ANGPT1: variants seen among roughly 807,000 people sequenced by gnomAD.
The protein encoded by ANGPT1 is angiopoietin 1, also known as angiopoietin-1.
In ANGPT1, 17 loss-of-function variants were observed where a neutral mutation model predicts 62.2. The observed-to-expected ratio is 0.27, with a 90% CI of 0.19 to 0.41. The LOEUF is 0.41. ANGPT1 is among the 10% of genes least tolerant of loss of function. The pLI is 1.00. For missense variants in ANGPT1, 478 were observed against 594.9 expected (o/e 0.80, Z 2.04); for synonymous variants, 199 against 198.9 (o/e 1.00, Z 0.00).
At chr8:107,402,259 T>A (rs956557404) in intron 1 of ANGPT1, among the ~76,000 whole-genome samples, 1 of 152,176 alleles carries the variant, frequency 6.6e-6, no homozygotes, top group African/African-American at 2.4e-5. Flanking sequence ...TCTTCTGTGT[T>A]GAAAGTCCAC....
At chr8:107,445,051 A>G (rs1471106320) in intron 1 of ANGPT1, among the ~76,000 whole-genome samples, 1 of 152,226 alleles carries the variant, frequency 6.6e-6, no homozygotes, top group East Asian at 1.9e-4. Context: ...GGGGGCTGAC[A>G]ATACATACTA....
chr8:107,293,585 C>T (rs1487740741), intron 6 of ANGPT1, among the ~76,000 whole-genome samples: 1 of 152,154 alleles, frequency 6.6e-6, no homozygotes, highest in African/African-American at 2.4e-5. Context: ...ATTACCCATC[C>T]TGTTCCACAA....
chr8:107,478,785 T>C (rs1360268281), intron 1 of ANGPT1, among the ~76,000 whole-genome samples: 1 of 152,292 alleles, frequency 6.6e-6, no homozygotes, highest in African/African-American at 2.4e-5. Context: ...ATTACATACA[T>C]ACAGCTTTTA....
chr8:107,299,731 T>G (rs1334409608), intron 5 of ANGPT1, among the ~76,000 whole-genome samples: 2 of 130,928 alleles, frequency 1.5e-5, no homozygotes, highest in African/African-American at 5.6e-5. Context: ...TATAGTTATA[T>G]CTAGATATAC....
chr8:107,459,021 G>C (rs912425996), intron 1 of ANGPT1, among the ~76,000 whole-genome samples: 23 of 151,958 alleles, frequency 1.5e-4, no homozygotes, highest in African/African-American at 5.6e-4. Flanking sequence ...CCTGAGCATC[G>C]TCCCGCAACT....
chr8:107,428,462 CA>C (rs1811092825), intron 1 of ANGPT1, among the ~76,000 whole-genome samples: 1 of 152,136 alleles, frequency 6.6e-6, no homozygotes, highest in Admixed American at 6.5e-5. Flanking sequence ...CAGAAACAAA[CA>C]GAATGATGCT....
At chr8:107,369,728 T>C (rs1314847780) in intron 1 of ANGPT1, among the ~76,000 whole-genome samples, 1 of 151,046 alleles carries the variant, frequency 6.6e-6, no homozygotes, top group East Asian at 2.0e-4. Flanking sequence ...GGGAGAGAGA[T>C]GAGGAAATGG....
intron 1 of ANGPT1, among the ~76,000 whole-genome samples, chr8:107,352,118 C>G (rs1258623667): frequency 6.6e-6 from 1 of 152,092 alleles, no homozygotes; most frequent in Admixed American, 6.6e-5. Context: ...TCATCAAACA[C>G]AAGCATATTG....
chr8:107,433,134 C>T (rs529921097), intron 1 of ANGPT1, among the ~76,000 whole-genome samples: 27 of 151,980 alleles, frequency 1.8e-4, no homozygotes, highest in Non-Finnish European at 2.8e-4. Context: ...GAGATCATTG[C>T]CCATTTGGTG....
At chr8:107,324,147 CAAA>C (rs1159031647) in intron 3 of ANGPT1, among the ~76,000 whole-genome samples, 1 of 105,882 alleles carries the variant, frequency 9.4e-6, no homozygotes. Context: ...GCCCCCCAGC[CAAA>C]AAAAAAAAAT....
intron 1 of ANGPT1, among the ~76,000 whole-genome samples, chr8:107,390,560 G>C (rs1487363951): frequency 2.0e-5 from 3 of 152,182 alleles, no homozygotes; most frequent in African/African-American, 7.2e-5. Flanking sequence ...CAGACACTCT[G>C]TAGTTTCAAG....
chr8:107,299,933 T>C (rs1222546239), intron 5 of ANGPT1, among the ~76,000 whole-genome samples: 6 of 134,396 alleles, frequency 4.5e-5, no homozygotes, highest in African/African-American at 1.6e-4. Flanking sequence ...TCTAGATATG[T>C]AGTTATATCT....
chr8:107,464,778 C>T lies in ANGPT1; in HGVS notation c.297+32484G>A, dbSNP rs796125948. On this transcript the variant is annotated intron_variant, in intron 1 of 8. Coordinates refer to ENST00000517746, the MANE Select transcript of ANGPT1 (RefSeq NM_001146.5). ...AGCTCATACATGGAACTTGGAGTAC[C>T]ATAAGTATTCGATAAATTCTACTAT... Among the ~76,000 whole-genome samples, 7 of 152,094 alleles carry T rather than the reference C, an allele frequency of 4.6e-5. 1 individual carries two copies. The highest frequency in any genetic ancestry group is 1.7e-4 in the African/African-American group (7 of 41,496).
At chr8:107,395,402 C>T (rs1816915924) in intron 1 of ANGPT1, among the ~76,000 whole-genome samples, 1 of 152,110 alleles carries the variant, frequency 6.6e-6, no homozygotes, top group Non-Finnish European at 1.5e-5. Flanking sequence ...GCATTTACTT[C>T]CATGTTTCCA....
chr8:107,356,312 T>C (rs1816043917), intron 1 of ANGPT1, among the ~76,000 whole-genome samples: 1 of 152,360 alleles, frequency 6.6e-6, no homozygotes, highest in South Asian at 2.1e-4. Context: ...AATCATTGCT[T>C]CATACATAAA....
intron 7 of ANGPT1, among the ~76,000 whole-genome samples, chr8:107,275,404 AC>A (rs1360609819): frequency 8.6e-5 from 13 of 152,014 alleles, no homozygotes; most frequent in African/African-American, 3.1e-4. Flanking sequence ...TCCCTCTTCT[AC>A]CCCCATCTCT....
chr8:107,396,337 A>G (rs1369460358), intron 1 of ANGPT1, among the ~76,000 whole-genome samples: 2 of 152,120 alleles, frequency 1.3e-5, no homozygotes, highest in East Asian at 3.9e-4. Context: ...GACTTAAAAC[A>G]CCAATAGGCA....
chr8:107,418,127 T>C lies in ANGPT1; in HGVS notation c.298-71030A>G, dbSNP rs189212895. Among the ~76,000 whole-genome samples the C allele has an allele frequency of 6.4e-3, 974 of 152,264 alleles. 11 individuals are homozygous for C. Among genetic ancestry groups the C allele is most frequent in the African/African-American group, 0.021 (867 of 41,554 alleles). On this transcript the variant is annotated intron_variant, in intron 1 of 8. Transcript: ENST00000517746. Reference sequence around the variant, plus strand: ...ACATGAGATATATATAAACCAGATATTTGTTTCTAACGTAGAGAAAGTTTA... The same window carrying C: ...ACATGAGATATATATAAACCAGATACTTGTTTCTAACGTAGAGAAAGTTTA...
chr8:107,468,631 T>G (rs779180160), intron 1 of ANGPT1, among the ~76,000 whole-genome samples: 20 of 152,058 alleles, frequency 1.3e-4, no homozygotes, highest in Non-Finnish European at 2.2e-4. Flanking sequence ...CTATTATTTC[T>G]GAAAATATAT....
Sources: gnomAD v4.1 joint callset for allele counts (sites outside exome capture counted in the v4.1 genomes callset) on GRCh38, gnomAD v4.1.1 for gene constraint, MANE v1.5 for transcripts, NCBI Gene and HGNC (gene_info 2026-07-23, HGNC 2026-07-21) for gene names.